CD226: variants seen among roughly 807,000 people sequenced by gnomAD.
CD226 encodes the protein CD226 antigen.
Under a neutral mutation model 34.9 loss-of-function variants are expected in CD226, and 24 were observed. That is an observed-to-expected ratio of 0.69 (90% CI 0.50 to 0.97). CD226 has a LOEUF of 0.97. Among genes scored for constraint, CD226 ranks in the 50% least tolerant of loss-of-function variants. The probability of loss-of-function intolerance (pLI) is 0.00; values close to 1 mark genes in which losing one functional copy is unlikely to be tolerated. For missense variants in CD226, 397 were observed against 412.7 expected (o/e 0.96, Z 0.33); for synonymous variants, 148 against 147.4 (o/e 1.00, Z -0.03).
chr18:69,937,002 A>T (rs2055662210), intron 2 of CD226, among the ~76,000 whole-genome samples: 1 of 152,230 alleles, frequency 6.6e-6, no homozygotes, highest in Admixed American at 6.5e-5. Context: ...AATAGATATG[A>T]TAGTGTCATT....
intron 3 of CD226, among the ~76,000 whole-genome samples, chr18:69,894,682 A>G (rs1985162812): frequency 6.8e-6 from 1 of 146,110 alleles, no homozygotes; most frequent in Non-Finnish European, 1.5e-5. Flanking sequence ...GAACAAAGTG[A>G]AAGGTAAAAA....
intron 2 of CD226, among the ~76,000 whole-genome samples, chr18:69,932,623 C>T (rs138791672): frequency 2.7e-4 from 41 of 152,308 alleles, no homozygotes; most frequent in Admixed American, 3.9e-4. Flanking sequence ...TTTGCTTTTG[C>T]GCCATTAGCA....
intron 2 of CD226, among the ~76,000 whole-genome samples, chr18:69,922,288 T>C (rs540231735): frequency 6.6e-6 from 1 of 152,316 alleles, no homozygotes; most frequent in East Asian, 1.9e-4. Flanking sequence ...AATTTTCGTT[T>C]GTTTATTTTT....
upstream of CD226, among the ~76,000 whole-genome samples, chr18:69,950,641 A>G (rs956569045): frequency 1.5e-4 from 23 of 152,238 alleles, no homozygotes; most frequent in Admixed American, 1.4e-3. Context: ...ATAGGAGAGC[A>G]GGTGCACAAA....
At chr18:69,878,882 T>C (rs765653111) in intron 3 of CD226, among the ~76,000 whole-genome samples, 6 of 152,092 alleles carry the variant, frequency 3.9e-5, no homozygotes, top group Non-Finnish European at 7.4e-5. Context: ...TAATTCAATG[T>C]AGGTTCTTTT....
chr18:69,941,077 G>T (rs1303897541), intron 2 of CD226, among the ~76,000 whole-genome samples: 2 of 152,242 alleles, frequency 1.3e-5, no homozygotes, highest in Admixed American at 1.3e-4. Flanking sequence ...GTGGTGTTGG[G>T]CCTGCGGGTG....
chr18:69,866,760 C>G (rs1983171871), intron 5 of CD226, among the ~76,000 whole-genome samples: 1 of 152,128 alleles, frequency 6.6e-6, no homozygotes, highest in South Asian at 2.1e-4. Context: ...TAAGCTCAAA[C>G]AACGCTGTGC....
At chr18:69,953,208 TTTATTCCTAGGTA>T (rs1447971601) in intron 1 of CD226, among the ~76,000 whole-genome samples, 1 of 152,200 alleles carries the variant, frequency 6.6e-6, no homozygotes, top group Non-Finnish European at 1.5e-5. Flanking sequence ...ACCCAGAAGT[TTTATTCCTAGGTA>T]TATACTCAAA....
intron 3 of CD226, among the ~76,000 whole-genome samples, chr18:69,879,589 T>C (rs1343036397): frequency 6.6e-6 from 1 of 152,194 alleles, no homozygotes; most frequent in African/African-American, 2.4e-5. Context: ...GTGCCCAGAT[T>C]TCATATTGTT....
chr18:69,903,263 C>G (rs2055210228), intron 2 of CD226, among the ~76,000 whole-genome samples: 1 of 152,146 alleles, frequency 6.6e-6, no homozygotes, highest in Admixed American at 6.5e-5. Context: ...GGACACTGAA[C>G]TGAGCTGTCA....
rs556410977 is a variant in CD226, at chr18:69,942,144, C to A, written c.382+4590G>T. Reference sequence around the variant, plus strand: ...CATACTGAACTGTGAGTCAATTAAACCTCTTTCCCTTATAAATTACCCAGT... The same window carrying A: ...CATACTGAACTGTGAGTCAATTAAAACTCTTTCCCTTATAAATTACCCAGT... On this transcript the variant is annotated intron_variant, in intron 2 of 5. Transcript: ENST00000582621. Among the ~76,000 whole-genome samples the A allele has an allele frequency of 2.0e-5, 3 of 152,294 alleles. No individual in the cohort carries two copies. In the South Asian group the frequency reaches 6.2e-4, roughly 32 times the overall value.
At chr18:69,882,119 G>A (rs1984299105) in intron 3 of CD226, among the ~76,000 whole-genome samples, 1 of 152,108 alleles carries the variant, frequency 6.6e-6, no homozygotes, top group Non-Finnish European at 1.5e-5. Context: ...AGAAACATAA[G>A]GCCCAGAGAA....
At chr18:69,904,877 T>C (rs759541786) in intron 2 of CD226, among the ~76,000 whole-genome samples, 89 of 152,320 alleles carry the variant, frequency 5.8e-4, no homozygotes, top group Non-Finnish European at 9.9e-4. Context: ...GAAAAAGACA[T>C]CAAGAGATTA....
chr18:69,900,629 G>A (rs1328149223), intron 2 of CD226, among the ~76,000 whole-genome samples: 1 of 150,392 alleles, frequency 6.6e-6, no homozygotes, highest in Non-Finnish European at 1.5e-5. Flanking sequence ...CTACTCGGGA[G>A]GCTGAGGCAG....
At position 69,861,486 on chromosome 18, in the gene CD226, G is replaced by A. The variant is rs1436753965; in HGVS notation, c.*2828C>T. On this transcript the variant is annotated 3_prime_UTR_variant, in exon 6 of 6. Coordinates refer to ENST00000582621, the MANE Select transcript of CD226 (RefSeq NM_001303618.2). ...GGTTACTTTAACATAAATATTAATGGCATTCAAAGGAAGCATAGATTCTTA... is the reference window on the plus strand; with the variant it reads ...GGTTACTTTAACATAAATATTAATGACATTCAAAGGAAGCATAGATTCTTA... 1 of 145,108 alleles carries A rather than the reference G, an allele frequency of 6.9e-6. No homozygotes were observed. The highest frequency in any genetic ancestry group is 1.5e-5 in the Non-Finnish European group (1 of 66,638). The allele number at this position is 145,108 out of a possible 1,614,324, so 9.0% of individuals were successfully genotyped here.
chr18:69,951,442 G>A (rs1379066248), upstream of CD226, among the ~76,000 whole-genome samples: 2 of 152,038 alleles, frequency 1.3e-5, no homozygotes, highest in African/African-American at 4.8e-5. Flanking sequence ...CTCTCATTAT[G>A]CATGAACAAG....
chr18:69,928,483 G>A (rs2055550347), intron 2 of CD226, among the ~76,000 whole-genome samples: 3 of 152,150 alleles, frequency 2.0e-5, no homozygotes, highest in Admixed American at 2.0e-4. Flanking sequence ...ATGAAAAGGT[G>A]GCCACAAACA....
intron 4 of CD226, among the ~76,000 whole-genome samples, chr18:69,867,787 A>G (rs1449389495): frequency 6.6e-6 from 1 of 152,142 alleles, no homozygotes; most frequent in African/African-American, 2.4e-5. Context: ...CAGCAGTGTA[A>G]CTTCTTGGAT....
intron 2 of CD226, among the ~76,000 whole-genome samples, chr18:69,924,752 A>G (rs1368394387): frequency 6.8e-6 from 1 of 147,282 alleles, no homozygotes; most frequent in Admixed American, 6.9e-5. Flanking sequence ...GCCCAGAGGT[A>G]CAAATAAGCA....
Sources: allele counts gnomAD v4.1 joint callset (sites outside exome capture counted in the v4.1 genomes callset), GRCh38; gene constraint gnomAD v4.1.1; transcripts MANE v1.5; gene names NCBI Gene and HGNC (gene_info 2026-07-23, HGNC 2026-07-21).